ZNF423: variants seen among roughly 807,000 people sequenced by gnomAD.
ZNF423 encodes Ebf-associated zinc finger protein.
Under a neutral mutation model 95.8 loss-of-function variants are expected in ZNF423, and 12 were observed. That is an observed-to-expected ratio of 0.13 (90% CI 0.08 to 0.20). ZNF423 has a LOEUF of 0.20. Ranked by LOEUF, ZNF423 falls within the 10% of genes least tolerant of loss-of-function variation. The pLI is 1.00. For missense variants in ZNF423, 1,316 were observed against 1,737.1 expected, an observed-to-expected ratio of 0.76 and a Z score of 4.31; for synonymous variants, 749 against 711.9, an observed-to-expected ratio of 1.05 and a Z score of -0.83.
rs1966905900 is a variant in ZNF423 at position 49,490,198 on chromosome 16, A to G, written c.*1077T>C. ...CCAAGTGCCACCTGGAGTCCTGGCA[A>G]GGGAAGGGCTACCCACTTGCCTGCC... On this transcript the variant is annotated 3_prime_UTR_variant, in exon 8 of 8. Transcript: ENST00000563137. The G allele has an allele frequency of 6.6e-6, 1 of 152,270 alleles. No homozygotes were observed. Among genetic ancestry groups the G allele is most frequent in the South Asian group, 2.1e-4 (1 of 4,824 alleles). The allele number at this position is 152,270 out of a possible 1,614,324, so 9.4% of individuals were successfully genotyped here.
chr16:49,638,922 C>A lies in ZNF423; in HGVS notation c.302-48G>T, dbSNP rs115096208. 3,607 of 1,543,824 alleles carry A rather than the reference C, an allele frequency of 2.3e-3. 9 individuals are homozygous for A. Among genetic ancestry groups the A allele is most frequent in the Middle Eastern group, 0.011 (62 of 5,758 alleles). On this transcript the variant is annotated intron_variant, in intron 3 of 7. Coordinates refer to ENST00000563137, the MANE Select transcript of ZNF423 (RefSeq NM_001379286.1). This position sits in a 1 kb window ranked among gnomAD's most constrained non-coding sequence, Gnocchi z 5.6. ...TATTAGAGGCAATTCCCAGGGCTGC[C>A]GAGAAACAAGGACAGAGCCAGCTTC... is the stretch of plus-strand genomic sequence containing the variant.
intron 1 of ZNF423, 71 bp from the exon 2 acceptor site, chr16:49,789,617 G>A (rs2034378901): frequency 7.5e-6 from 11 of 1,463,582 alleles, no homozygotes; most frequent in East Asian, 2.5e-5. Flanking sequence ...GGCACAGGGC[G>A]AGGAAGAAGG....
intron 2 of ZNF423, among the ~76,000 whole-genome samples, chr16:49,738,403 C>A (rs2033339545): frequency 6.6e-6 from 1 of 152,152 alleles, no homozygotes; most frequent in Non-Finnish European, 1.5e-5. Context: ...CAGCCCCCAA[C>A]CATGAGTGAC....
intron 2 of ZNF423, among the ~76,000 whole-genome samples, chr16:49,784,340 A>G (rs769041011): frequency 1.3e-5 from 2 of 152,130 alleles, no homozygotes; most frequent in Non-Finnish European, 2.9e-5. Context: ...GTTCAAATCC[A>G]GCCTGGGCAG....
chr16:49,699,939 G>A (rs1055001972), intron 3 of ZNF423, among the ~76,000 whole-genome samples: 1 of 152,062 alleles, frequency 6.6e-6, no homozygotes, highest in South Asian at 2.1e-4. Context: ...AGCAGCTCCC[G>A]AGCCAGGGCC....
chr16:49,611,411 G>T, intron 5 of ZNF423, among the ~76,000 whole-genome samples: 1 of 151,984 alleles, frequency 6.6e-6, no homozygotes, highest in Non-Finnish European at 1.5e-5. Flanking sequence ...ATGGATCAAA[G>T]AGGAAGCTCA....
At chr16:49,568,272 G>A (rs931556682) in intron 5 of ZNF423, among the ~76,000 whole-genome samples, 1 of 152,154 alleles carries the variant, frequency 6.6e-6, no homozygotes, top group Non-Finnish European at 1.5e-5. Context: ...GCCAGCTAAG[G>A]GGGTAGGATG....
intron 3 of ZNF423, among the ~76,000 whole-genome samples, chr16:49,662,477 T>A (rs917788000): frequency 2.0e-5 from 3 of 152,206 alleles, no homozygotes; most frequent in Admixed American, 1.3e-4. Flanking sequence ...CAATTTACAT[T>A]CATTTATTCC....
intron 3 of ZNF423, among the ~76,000 whole-genome samples, chr16:49,653,598 C>T (rs945574931): frequency 6.6e-6 from 1 of 152,174 alleles, no homozygotes; most frequent in Non-Finnish European, 1.5e-5. Flanking sequence ...CCTTTGCCAC[C>T]TCCAGGGAAA....
chr16:49,506,308 G>T lies in ZNF423; in HGVS notation c.3850-15004C>A, dbSNP rs117454318. Among the ~76,000 whole-genome samples the T allele has an allele frequency of 1.6e-3, 240 of 152,232 alleles. 11 individuals carry two copies. In the East Asian group the frequency reaches 0.041, roughly 26 times the overall value. ...GGATAGGTGGGTAGATGGGTATGGG[G>T]GAATGGATGGTAGACGGATGATGGA... On this transcript the variant is annotated intron_variant, in intron 7 of 7. Transcript: ENST00000563137.
At position 49,854,535 on chromosome 16, in the gene ZNF423, G is replaced by A. The variant is rs1463452168; in HGVS notation, c.40+1200C>T. The A allele has an allele frequency of 4.1e-6, 4 of 985,352 alleles. No individual in the cohort carries two copies. The African/African-American group carries it at 7.0e-5, about 17-fold the overall frequency. 61.0% of individuals were successfully genotyped at this position (985,352 alleles called of 1,614,324 possible). On this transcript the variant is annotated intron_variant, in intron 1 of 7. Coordinates refer to ENST00000563137, the MANE Select transcript of ZNF423 (RefSeq NM_001379286.1). ...CCAGAGGTCATCAGGGGAGATGGGAGAAGACAAGGGCCTGGGGGCTTTTGG... is the reference window on the plus strand; with the variant it reads ...CCAGAGGTCATCAGGGGAGATGGGAAAAGACAAGGGCCTGGGGGCTTTTGG...
intron 7 of ZNF423, among the ~76,000 whole-genome samples, chr16:49,506,736 G>A (rs1967659906): frequency 6.6e-6 from 1 of 151,986 alleles, no homozygotes; most frequent in South Asian, 2.1e-4. Context: ...GATAGGTGGA[G>A]AGATGGGTAG....
rs554323857 is a variant in ZNF423, at chr16:49,778,696, G to A, written c.100+10791C>T. On this transcript the variant is annotated intron_variant, in intron 2 of 7. Transcript: ENST00000563137. ...GCCATGCCCAGAGATTGCCAGTCAC[G>A]ATGTGGGGAGAAAGGCAGGAAGCTG... 3.9e-5 allele frequency among the ~76,000 whole-genome samples: 6 copies of A among 152,328 alleles called. No homozygotes were observed. In the South Asian group the frequency reaches 6.2e-4, roughly 16 times the overall value.
At chr16:49,840,330 T>G (rs1419138256) in intron 1 of ZNF423, among the ~76,000 whole-genome samples, 1 of 152,126 alleles carries the variant, frequency 6.6e-6, no homozygotes, top group Non-Finnish European at 1.5e-5. Context: ...ACTTTTCTCT[T>G]TTTGGGGGGG....
chr16:49,681,062 C>A (rs911289828), intron 3 of ZNF423, among the ~76,000 whole-genome samples: 2 of 152,200 alleles, frequency 1.3e-5, no homozygotes, highest in African/African-American at 4.8e-5. Context: ...AGAGTTGGAG[C>A]AGCAGACCTT....
chr16:49,808,664 G>C (rs1842553984), intron 1 of ZNF423, among the ~76,000 whole-genome samples: 2 of 152,194 alleles, frequency 1.3e-5, no homozygotes, highest in South Asian at 4.1e-4. Flanking sequence ...AGGACAGTGG[G>C]AGGGGCGGGG....
At position 49,635,384 on chromosome 16, in the gene ZNF423, T is replaced by C. The variant is rs1039440366; in HGVS notation, c.3516+276A>G. Among the ~76,000 whole-genome samples, 6 of 152,208 alleles carry C rather than the reference T, an allele frequency of 3.9e-5. No individual in the cohort carries two copies. Among genetic ancestry groups the C allele is most frequent in the Non-Finnish European group, 5.9e-5 (4 of 68,036 alleles). ...TGTCCTCGGCCTCTTACAACAATTCTCTGAGGTTGGGACAATTATTATTCC... is the reference window on the plus strand; with the variant it reads ...TGTCCTCGGCCTCTTACAACAATTCCCTGAGGTTGGGACAATTATTATTCC... On this transcript the variant is annotated intron_variant, in intron 4 of 7. Transcript: ENST00000563137. This position sits in a 1 kb window ranked among gnomAD's most constrained non-coding sequence, Gnocchi z 4.8.
Position 49,659,128 on chromosome 16 carries a change from G to A in ZNF423, c.302-20254C>T, listed in dbSNP as rs544890486. Among the ~76,000 whole-genome samples the A allele has an allele frequency of 1.2e-4, 18 of 152,264 alleles. No homozygotes were observed. In the East Asian group the frequency reaches 1.4e-3, roughly 11 times the overall value. On this transcript the variant is annotated intron_variant, in intron 3 of 7. Coordinates refer to ENST00000563137, the MANE Select transcript of ZNF423 (RefSeq NM_001379286.1). Reference sequence around the variant, plus strand: ...ATTTGAAATAGAGTCCCACTCTGTCGCCCAGGCTGCAGTGCAGTGGCGCAA... The same window carrying A: ...ATTTGAAATAGAGTCCCACTCTGTCACCCAGGCTGCAGTGCAGTGGCGCAA...
intron 5 of ZNF423, among the ~76,000 whole-genome samples, chr16:49,620,132 TACACAC>T (rs56739115): frequency 2.2e-4 from 32 of 143,868 alleles, no homozygotes; most frequent in South Asian, 1.1e-3. Flanking sequence ...CTCTCTCTTC[TACACAC>T]ACACACACAC....
Sources: allele counts gnomAD v4.1 joint callset (sites outside exome capture counted in the v4.1 genomes callset), GRCh38; gene constraint gnomAD v4.1.1; non-coding constraint Gnocchi (gnomAD v3.1); transcripts MANE v1.5; gene names NCBI Gene and HGNC (gene_info 2026-07-23, HGNC 2026-07-21).